EIF4E2: variants seen among roughly 807,000 people sequenced by gnomAD.
EIF4E2 encodes eukaryotic translation initiation factor 4E family member 2, also known as eukaryotic translation initiation factor 4E type 2.
In EIF4E2, 13 loss-of-function variants were observed where a neutral mutation model predicts 34.2. That is an observed-to-expected ratio of 0.38 (90% CI 0.25 to 0.60). The LOEUF (loss-of-function observed/expected upper bound fraction) is 0.60. Among genes scored for constraint, EIF4E2 ranks in the 20% least tolerant of loss-of-function variants. EIF4E2 has a pLI of 0.62. For missense variants in EIF4E2, 222 were observed against 315.1 expected (o/e 0.70, Z 2.24); for synonymous variants, 100 against 106.6 (o/e 0.94, Z 0.38).
intron 1 of EIF4E2, 140 bp downstream of exon 1, chr2:232,550,884 C>A: frequency 1.1e-6 from 1 of 883,184 alleles, no homozygotes; most frequent in Non-Finnish European, 1.7e-6. Context: ...CTGGCCTGGA[C>A]TGGCGGGGAG....
Position 232,581,204 on chromosome 2 carries a change from C to T in EIF4E2, c.*261C>T. On this transcript the variant is annotated 3_prime_UTR_variant, in exon 7 of 7. Transcript: ENST00000409098. This position sits in a 1 kb window ranked among gnomAD's most constrained non-coding sequence, Gnocchi z 5.2. ...TGGGGTTCCATGGGGGGGCGTTCAG[C>T]CTTTCTGTTTGCTGTGTGCTGTCCA... 1 of 583,774 alleles carries T rather than the reference C, an allele frequency of 1.7e-6. No individual in the cohort carries two copies. The highest frequency in any genetic ancestry group is 1.6e-5 in the South Asian group (1 of 60,758). 36.2% of individuals were successfully genotyped at this position (583,774 alleles called of 1,614,324 possible). A position where few individuals can be genotyped will look rare whatever the true frequency, so the allele number is the denominator to read the frequency against.
chr2:232,568,860 C>A (rs1485339504), intron 6 of EIF4E2, 85 bp from the exon 7 acceptor site: 1 of 1,586,176 alleles, frequency 6.3e-7, no homozygotes, highest in Non-Finnish European at 8.6e-7. Flanking sequence ...AGAAGACCAA[C>A]CCTCTTTGAG....
At chr2:232,567,593 A>G in intron 6 of EIF4E2, 1 of 1,171,042 alleles carries the variant, frequency 8.5e-7, no homozygotes, top group South Asian at 3.9e-5. Context: ...CCACTTCTGC[A>G]TGTCTTTTTA....
chr2:232,578,766 C>T (rs1233638950), intron 6 of EIF4E2, among the ~76,000 whole-genome samples: 2 of 152,120 alleles, frequency 1.3e-5, no homozygotes. Context: ...GTAATGATTA[C>T]CCTGAAAATC....
At chr2:232,554,189 T>C (rs1288709935) in intron 1 of EIF4E2, among the ~76,000 whole-genome samples, 1 of 152,210 alleles carries the variant, frequency 6.6e-6, no homozygotes, top group African/African-American at 2.4e-5. Context: ...CAGCCTAGGT[T>C]GGAAGAGGTT....
intron 3 of EIF4E2, among the ~76,000 whole-genome samples, chr2:232,562,047 C>G (rs1037905178): frequency 3.7e-5 from 5 of 135,908 alleles, no homozygotes; most frequent in Non-Finnish European, 7.8e-5. Flanking sequence ...GACTTCATCT[C>G]TACAAAAAAA....
chr2:232,581,429 G>A lies in EIF4E2; in HGVS notation c.*486G>A, dbSNP rs958288930. ...TGCCATTAAATTATTGGGACATTTTGTTTCTTTCTCTCCCCTCCTCCAAGC... is the reference window on the plus strand; with the variant it reads ...TGCCATTAAATTATTGGGACATTTTATTTCTTTCTCTCCCCTCCTCCAAGC... On this transcript the variant is annotated 3_prime_UTR_variant, in exon 7 of 7. Transcript: ENST00000409098. This position sits in a 1 kb window ranked among gnomAD's most constrained non-coding sequence, Gnocchi z 5.2. 6.7e-6 allele frequency: 2 copies of A among 299,456 alleles called. No individual in the cohort carries two copies. The highest frequency in any genetic ancestry group is 5.0e-5 in the Admixed American group (1 of 20,170). 18.5% of individuals were successfully genotyped at this position (299,456 alleles called of 1,614,324 possible). A position where few individuals can be genotyped will look rare whatever the true frequency, so the allele number is the denominator to read the frequency against.
intron 4 of EIF4E2, among the ~76,000 whole-genome samples, chr2:232,564,990 C>A (rs3108615): frequency 0.31 from 46,485 of 152,102 alleles, 7,644 homozygotes; most frequent in Admixed American, 0.41. Context: ...ACATAGTACA[C>A]ATATGATTAA....
intron 6 of EIF4E2, among the ~76,000 whole-genome samples, chr2:232,577,907 T>G (rs1693260368): frequency 5.3e-5 from 8 of 152,216 alleles, no homozygotes; most frequent in Admixed American, 5.2e-4. Flanking sequence ...AGCACATTGT[T>G]TTTTAAGGGG....
Position 232,568,366 on chromosome 2 carries a change from A to G in EIF4E2, c.666-579A>G, listed in dbSNP as rs906511532. The G allele has an allele frequency of 3.0e-6, 3 of 985,216 alleles. No homozygotes were observed. In the African/African-American group the frequency reaches 5.2e-5, roughly 17 times the overall value. 61.0% of individuals were successfully genotyped at this position (985,216 alleles called of 1,614,324 possible). On this transcript the variant is annotated intron_variant, in intron 6 of 6. Coordinates refer to ENST00000258416, the MANE Select transcript of EIF4E2 (RefSeq NM_004846.4). Reference sequence around the variant, plus strand: ...GGTCCATGATCAAACGGCTGGCATGACTCATCATAGTCACGAACAGTTATT... The same window carrying G: ...GGTCCATGATCAAACGGCTGGCATGGCTCATCATAGTCACGAACAGTTATT...
intron 6 of EIF4E2, among the ~76,000 whole-genome samples, chr2:232,576,534 G>A (rs751087574): frequency 2.6e-5 from 4 of 152,116 alleles, no homozygotes; most frequent in African/African-American, 4.8e-5. Context: ...GGCAGACGAA[G>A]AGAACACTCG....
chr2:232,577,113 T>G (rs970813876), intron 6 of EIF4E2, among the ~76,000 whole-genome samples: 1 of 152,248 alleles, frequency 6.6e-6, no homozygotes, highest in Non-Finnish European at 1.5e-5. Context: ...GCAGTGAGTC[T>G]GTATTGTTGG....
chr2:232,551,974 C>T lies in EIF4E2; in HGVS notation c.20+1230C>T, dbSNP rs1340632219. Among the ~76,000 whole-genome samples the T allele has an allele frequency of 2.0e-5, 3 of 152,262 alleles. No individual in the cohort carries two copies. The East Asian group carries it at 5.8e-4, about 29-fold the overall frequency. ...CCCTCTACGAACCTCTCCCCCGCTG[C>T]CGCCCCATTTCATCTCTATTGTAAA... On this transcript the variant is annotated intron_variant, in intron 1 of 6. Coordinates refer to ENST00000258416, the MANE Select transcript of EIF4E2 (RefSeq NM_004846.4).
chr2:232,574,272 G>A lies in EIF4E2; in HGVS notation c.666-6632G>A, dbSNP rs768125402. 4 of 1,550,586 alleles carry A rather than the reference G, an allele frequency of 2.6e-6. No homozygotes were observed. The East Asian group carries it at 7.3e-5, about 28-fold the overall frequency. ...GTCTCTGGTTTGCCAGGGCCTGGGA[G>A]GAGTTTCATGGCCTGGTGAACAGCA... On this transcript the variant is annotated intron_variant, in intron 6 of 6. Transcript: ENST00000409098.
At chr2:232,550,926 C>G (rs1574653084) in intron 1 of EIF4E2, 182 bp downstream of exon 1, 1 of 670,614 alleles carries the variant, frequency 1.5e-6, no homozygotes, top group South Asian at 1.9e-5. Flanking sequence ...ATACCGGAGT[C>G]CCGGAGACCC....
chr2:232,578,447 A>G (rs1029651839), intron 6 of EIF4E2, among the ~76,000 whole-genome samples: 2 of 152,184 alleles, frequency 1.3e-5, no homozygotes, highest in Admixed American at 1.3e-4. Context: ...CCTGGCCAAC[A>G]TGGTGAAACC....
intron 3 of EIF4E2, among the ~76,000 whole-genome samples, chr2:232,563,376 C>T (rs1311567798): frequency 6.7e-6 from 1 of 149,532 alleles, no homozygotes; most frequent in Non-Finnish European, 1.5e-5. Context: ...CTGCGTAGAC[C>T]CTGTCTCTTT....
chr2:232,556,452 T>C lies in EIF4E2; in HGVS notation c.57T>C (p.Asn19=). Residue 19 remains asparagine (N), a synonymous_variant, in exon 2 of 7, where the codon AAT becomes AAC. Coordinates refer to ENST00000258416, the MANE Select transcript of EIF4E2 (RefSeq NM_004846.4). Reference sequence around the variant, plus strand: ...ATGACAGTGGGGACCATGATCAGAATGAAGAAAACAGCACACAGAAAGATG... The same window carrying C: ...ATGACAGTGGGGACCATGATCAGAACGAAGAAAACAGCACACAGAAAGATG... ...KDDDSGDHDQ[N]EENSTQKDGE... The C allele has an allele frequency of 6.2e-7, 1 of 1,613,798 alleles. No individual in the cohort carries two copies. The highest frequency in any genetic ancestry group is 2.2e-5 in the East Asian group (1 of 44,878).
chr2:232,553,011 A>G (rs1431757758), intron 1 of EIF4E2, among the ~76,000 whole-genome samples: 1 of 152,236 alleles, frequency 6.6e-6, no homozygotes, highest in Non-Finnish European at 1.5e-5. Flanking sequence ...CCAGTTTGCC[A>G]GAATCCTTCC....
Sources: allele counts gnomAD v4.1 joint callset (sites outside exome capture counted in the v4.1 genomes callset), GRCh38; gene constraint gnomAD v4.1.1; non-coding constraint Gnocchi (gnomAD v3.1); transcripts MANE v1.5; gene names NCBI Gene and HGNC (gene_info 2026-07-23, HGNC 2026-07-21).